ITCH: variants seen among roughly 807,000 people sequenced by gnomAD.
ITCH encodes itchy E3 ubiquitin protein ligase.
A neutral mutation model predicts 126.8 loss-of-function variants in ITCH; 28 were observed. The ratio of observed to expected loss-of-function variants is 0.22; its 90% CI spans 0.16 to 0.30. The LOEUF (loss-of-function observed/expected upper bound fraction) is 0.30, where lower values mean the gene tolerates loss of function less well. ITCH is among the 10% of genes least tolerant of loss of function. The probability of loss-of-function intolerance (pLI) is 1.00; values close to 1 mark genes in which losing one functional copy is unlikely to be tolerated. For synonymous variants in ITCH, 342 were observed against 340.0 expected (o/e 1.01, Z -0.06); for missense variants, 631 against 1,032.4 (o/e 0.61, Z 5.33).
intron 11 of ITCH, among the ~76,000 whole-genome samples, chr20:34,446,422 C>T (rs906973129): frequency 6.6e-6 from 1 of 152,134 alleles, no homozygotes; most frequent in Non-Finnish European, 1.5e-5. Context: ...TTCCTTATAC[C>T]TCATCATCAT....
chr20:34,460,143 T>G (rs1281023252), intron 13 of ITCH, among the ~76,000 whole-genome samples: 3 of 151,940 alleles, frequency 2.0e-5, no homozygotes, highest in Non-Finnish European at 2.9e-5. Flanking sequence ...GTAGTCTGTT[T>G]TATCTGACAT....
At position 34,509,075 on chromosome 20, in the gene ITCH, AC is replaced by A. The variant is rs1978483988; in HGVS notation, c.*1284del. 6.6e-6 allele frequency: 1 copy of A among 152,084 alleles called. No homozygotes were observed. Among genetic ancestry groups the A allele is most frequent in the Non-Finnish European group, 1.5e-5 (1 of 67,916 alleles). The allele number at this position is 152,084 out of a possible 1,614,324, so 9.4% of individuals were successfully genotyped here. On this transcript the variant is annotated 3_prime_UTR_variant, in exon 25 of 25. Coordinates refer to ENST00000374864, the MANE Select transcript of ITCH (RefSeq NM_031483.7). ...TACATTGTCATGAACTGGATTGATA[AC>A]CCTCATCTGCAATATTTTCACCCCT...
chr20:34,406,695 C>T (rs550859232), intron 3 of ITCH, among the ~76,000 whole-genome samples: 3 of 152,072 alleles, frequency 2.0e-5, no homozygotes, highest in South Asian at 2.1e-4. Flanking sequence ...CCACCACGCC[C>T]GGCTAATTTT....
chr20:34,389,382 T>G (rs879213503), intron 2 of ITCH, among the ~76,000 whole-genome samples: 2 of 152,108 alleles, frequency 1.3e-5, no homozygotes, highest in South Asian at 4.1e-4. Flanking sequence ...AACCAGTTGT[T>G]GGACAAGAGC....
intron 23 of ITCH, among the ~76,000 whole-genome samples, chr20:34,496,040 C>T (rs945588644): frequency 6.6e-6 from 1 of 151,668 alleles, no homozygotes; most frequent in Non-Finnish European, 1.5e-5. Context: ...AGAGGTTGCA[C>T]TCTAGCCTGG....
chr20:34,466,753 A>C (rs1037148612), intron 14 of ITCH, among the ~76,000 whole-genome samples: 1 of 152,220 alleles, frequency 6.6e-6, no homozygotes, highest in Non-Finnish European at 1.5e-5. Flanking sequence ...AATAATAATT[A>C]AAACACCACA....
chr20:34,385,216 T>G (rs1185273307), intron 2 of ITCH, among the ~76,000 whole-genome samples: 9 of 136,190 alleles, frequency 6.6e-5, no homozygotes, highest in African/African-American at 2.7e-4. Flanking sequence ...TGTGTGTGTG[T>G]GTGTGGTTTT....
chr20:34,469,379 C>G (rs1600421226), intron 14 of ITCH, among the ~76,000 whole-genome samples: 1 of 152,190 alleles, frequency 6.6e-6, no homozygotes, highest in Non-Finnish European at 1.5e-5. Flanking sequence ...GCCTTGACCT[C>G]TGAGGTTCAA....
intron 2 of ITCH, among the ~76,000 whole-genome samples, chr20:34,374,190 C>T (rs1055749409): frequency 3.9e-5 from 6 of 152,122 alleles, no homozygotes; most frequent in Non-Finnish European, 7.4e-5. Flanking sequence ...GTTAGGCCTT[C>T]ATTCGTGCAA....
chr20:34,490,020 C>A, intron 22 of ITCH, 94 bp downstream of exon 22: 1 of 830,306 alleles, frequency 1.2e-6, no homozygotes, highest in South Asian at 1.4e-5. Flanking sequence ...TCAAAATGTA[C>A]CAGTGTATAT....
intron 5 of ITCH, among the ~76,000 whole-genome samples, chr20:34,413,187 T>TA (rs1241384528): frequency 6.6e-6 from 1 of 152,138 alleles, no homozygotes; most frequent in Non-Finnish European, 1.5e-5. Context: ...CATCCAGCTT[T>TA]AAATGCTTAT....
chr20:34,458,652 A>G (rs1434640399), intron 13 of ITCH, among the ~76,000 whole-genome samples: 1 of 152,054 alleles, frequency 6.6e-6, no homozygotes, highest in Non-Finnish European at 1.5e-5. Flanking sequence ...GATACTAGGA[A>G]GAGATCTGTT....
At chr20:34,430,693 C>T (rs1035318576) in intron 7 of ITCH, among the ~76,000 whole-genome samples, 3 of 152,108 alleles carry the variant, frequency 2.0e-5, no homozygotes, top group African/African-American at 7.2e-5. Context: ...AGGCTTGTGT[C>T]GAACTCCTGA....
intron 11 of ITCH, among the ~76,000 whole-genome samples, chr20:34,447,488 C>G (rs543314354): frequency 1.3e-5 from 2 of 152,270 alleles, no homozygotes; most frequent in South Asian, 4.1e-4. Context: ...CATACAGAAA[C>G]TGTCATACAC....
intron 20 of ITCH, among the ~76,000 whole-genome samples, chr20:34,482,662 G>A (rs1027844418): frequency 2.0e-5 from 3 of 152,196 alleles, no homozygotes; most frequent in Non-Finnish European, 4.4e-5. Flanking sequence ...ATGGGCTGGC[G>A]TTGAGTGTCT....
rs1172972647 is a variant in ITCH, at chr20:34,476,457, G to A, written c.1570-1315G>A. 5.8e-6 allele frequency: 7 copies of A among 1,216,424 alleles called. No individual in the cohort carries two copies. The African/African-American group carries it at 9.5e-5, about 16-fold the overall frequency. 75.4% of individuals were successfully genotyped at this position (1,216,424 alleles called of 1,614,324 possible). On this transcript the variant is annotated intron_variant, in intron 16 of 24. Transcript: ENST00000374864. ...CAGAAGCGGCGCGCAGCAGCCGGGCGCCCCCAGCGGCAGCCATCGCCCGCG... is the reference window on the plus strand; with the variant it reads ...CAGAAGCGGCGCGCAGCAGCCGGGCACCCCCAGCGGCAGCCATCGCCCGCG...
chr20:34,456,572 G>A (rs190293676), intron 12 of ITCH, among the ~76,000 whole-genome samples: 59 of 146,562 alleles, frequency 4.0e-4, no homozygotes, highest in South Asian at 2.6e-3. Flanking sequence ...GGTCAAGGCT[G>A]TAGTGAGCTG....
chr20:34,447,472 T>TA (rs1464774167), intron 11 of ITCH, among the ~76,000 whole-genome samples: 4 of 152,210 alleles, frequency 2.6e-5, no homozygotes, highest in African/African-American at 9.6e-5. Context: ...TTGTGACTCT[T>TA]ACTAGCATAC....
intron 3 of ITCH, among the ~76,000 whole-genome samples, chr20:34,403,451 A>G (rs2146119036): frequency 6.6e-6 from 1 of 152,296 alleles, no homozygotes; most frequent in Non-Finnish European, 1.5e-5. Context: ...CCAGCAAGTG[A>G]TTATAATAAA....
Sources: allele counts gnomAD v4.1 joint callset (sites outside exome capture counted in the v4.1 genomes callset), GRCh38; gene constraint gnomAD v4.1.1; transcripts MANE v1.5; gene names NCBI Gene and HGNC (gene_info 2026-07-23, HGNC 2026-07-21).